The following TBC1D12 variants were observed in gnomAD, a reference collection of about 807,000 sequenced individuals.
TBC1D12 encodes TBC1 domain family, member 12.
A neutral mutation model predicts 86.7 loss-of-function variants in TBC1D12; 56 were observed. The observed-to-expected ratio is 0.65, with a 90% CI of 0.52 to 0.81. TBC1D12 has a LOEUF of 0.81. Ranked by LOEUF, TBC1D12 falls within the 30% of genes least tolerant of loss-of-function variation. The pLI is 0.00. For synonymous variants in TBC1D12, 421 were observed against 411.7 expected (o/e 1.02, Z -0.27); for missense variants, 1,023 against 1,038.8 (o/e 0.98, Z 0.21).
At chr10:94,409,205 G>A (rs2054896868) in intron 1 of TBC1D12, among the ~76,000 whole-genome samples, 3 of 151,974 alleles carry the variant, frequency 2.0e-5, no homozygotes, top group Admixed American at 2.0e-4. Flanking sequence ...ATCCAGCATT[G>A]GTTCAGGACT....
intron 1 of TBC1D12, among the ~76,000 whole-genome samples, chr10:94,405,289 A>C (rs1044995733): frequency 6.6e-6 from 1 of 152,194 alleles, no homozygotes; most frequent in African/African-American, 2.4e-5. Flanking sequence ...ATTAGCGTAC[A>C]TATTGTAGAC....
chr10:94,535,636 T>C lies in TBC1D12; in HGVS notation c.*2540T>C, dbSNP rs907630818. 1.3e-5 allele frequency: 2 copies of C among 152,178 alleles called. No individual in the cohort carries two copies. Among genetic ancestry groups the C allele is most frequent in the African/African-American group, 2.4e-5 (1 of 41,454 alleles). 9.4% of individuals were successfully genotyped at this position (152,178 alleles called of 1,614,324 possible). A position where few individuals can be genotyped will look rare whatever the true frequency, so the allele number is the denominator to read the frequency against. Reference sequence around the variant, plus strand: ...GCCATGGTCTTAGCAGGTTTTAGAATGACCTTTTAACTCCAGTAACTACTT... The same window carrying C: ...GCCATGGTCTTAGCAGGTTTTAGAACGACCTTTTAACTCCAGTAACTACTT... On this transcript the variant is annotated 3_prime_UTR_variant, in exon 13 of 13. Transcript: ENST00000225235.
At chr10:94,448,747 G>A (rs910458236) in intron 2 of TBC1D12, among the ~76,000 whole-genome samples, 1 of 152,154 alleles carries the variant, frequency 6.6e-6, no homozygotes, top group African/African-American at 2.4e-5. Flanking sequence ...CCAAAGTGTT[G>A]GGATTACAGG....
intron 2 of TBC1D12, among the ~76,000 whole-genome samples, chr10:94,457,477 T>C (rs6583941): frequency 0.69 from 104,736 of 152,074 alleles, 36,732 homozygotes; most frequent in East Asian, 0.83. Context: ...TGCAGTGGTG[T>C]AATCATAGCT....
intron 2 of TBC1D12, among the ~76,000 whole-genome samples, chr10:94,454,936 G>T (rs2055604955): frequency 6.6e-6 from 1 of 152,124 alleles, no homozygotes; most frequent in South Asian, 2.1e-4. Flanking sequence ...GTGGTGAGCG[G>T]GGATATCCTC....
At chr10:94,465,920 A>G (rs543573909) in intron 2 of TBC1D12, among the ~76,000 whole-genome samples, 1 of 150,954 alleles carries the variant, frequency 6.6e-6, no homozygotes, top group Admixed American at 6.6e-5. Flanking sequence ...ATATATACGT[A>G]TATATGCGTA....
intron 12 of TBC1D12, 110 bp from the exon 13 acceptor site, chr10:94,532,918 A>C (rs1162301074): frequency 3.4e-6 from 2 of 579,804 alleles, no homozygotes; most frequent in African/African-American, 4.0e-5. Flanking sequence ...TTTCGGGGAC[A>C]GTGTTAAGTA....
intron 1 of TBC1D12, 23 bp from the exon 2 acceptor site, chr10:94,441,873 C>A: frequency 6.2e-7 from 1 of 1,602,306 alleles, no homozygotes; most frequent in South Asian, 1.1e-5. Flanking sequence ...AAACACAATT[C>A]ATGTAACTTT....
chr10:94,476,510 G>A (rs867558474), intron 3 of TBC1D12, among the ~76,000 whole-genome samples: 17 of 152,196 alleles, frequency 1.1e-4, no homozygotes, highest in African/African-American at 4.1e-4. Flanking sequence ...TCCTTTCTTG[G>A]TGGAGACATT....
At chr10:94,429,025 A>AGGGG (rs1269267860) in intron 1 of TBC1D12, among the ~76,000 whole-genome samples, 1 of 152,048 alleles carries the variant, frequency 6.6e-6, no homozygotes, top group East Asian at 1.9e-4. Context: ...CTCTTAATAA[A>AGGGG]GAACTCTGAC....
intron 11 of TBC1D12, among the ~76,000 whole-genome samples, chr10:94,527,095 T>G (rs2134232570): frequency 6.6e-6 from 1 of 152,004 alleles, no homozygotes; most frequent in African/African-American, 2.4e-5. Context: ...TGTGTGTGTG[T>G]GTGTGTGTGT....
intron 2 of TBC1D12, among the ~76,000 whole-genome samples, chr10:94,453,915 A>C (rs888798441): frequency 6.6e-6 from 1 of 152,062 alleles, no homozygotes; most frequent in African/African-American, 2.4e-5. Context: ...GTCAAAGATC[A>C]GTTGACTATA....
At chr10:94,415,453 G>A (rs907043180) in intron 1 of TBC1D12, among the ~76,000 whole-genome samples, 3 of 152,182 alleles carry the variant, frequency 2.0e-5, no homozygotes, top group African/African-American at 7.2e-5. Context: ...AATAAAACTA[G>A]CCAGGCCCGG....
intron 4 of TBC1D12, among the ~76,000 whole-genome samples, chr10:94,493,910 T>C (rs2056280680): frequency 6.6e-6 from 1 of 152,116 alleles, no homozygotes; most frequent in South Asian, 2.1e-4. Context: ...GGACTTCTAC[T>C]ATCTTAGTTT....
intron 1 of TBC1D12, among the ~76,000 whole-genome samples, chr10:94,408,342 G>A (rs1224718323): frequency 1.3e-5 from 2 of 152,030 alleles, no homozygotes; most frequent in Admixed American, 1.3e-4. Flanking sequence ...TGTAGTTGTT[G>A]ACTTCTGAAA....
chr10:94,462,374 A>G (rs117244573), intron 2 of TBC1D12, among the ~76,000 whole-genome samples: 1,816 of 152,278 alleles, frequency 0.012, 14 homozygotes, highest in Non-Finnish European at 0.02. Context: ...TGTGAAATAC[A>G]GGATATTTAG....
chr10:94,495,388 C>G (rs2056301999), intron 4 of TBC1D12, among the ~76,000 whole-genome samples: 2 of 152,274 alleles, frequency 1.3e-5, no homozygotes, highest in Admixed American at 6.5e-5. Flanking sequence ...AGGCTGGTCT[C>G]AAACTCCTGG....
In TBC1D12 at chr10:94,403,519, G is replaced by A; in HGVS notation, c.906G>A (p.Glu302=). The A allele has an allele frequency of 6.4e-7, 1 of 1,558,122 alleles. No individual in the cohort carries two copies. Among genetic ancestry groups the A allele is most frequent in the Non-Finnish European group, 8.6e-7 (1 of 1,157,066 alleles). ...AGPPVPLPAA[E]QGPAGASARA... is the part of the protein sequence containing the mutation. ...CGCCGGTGCCCTTGCCCGCCGCGGA[G>A]CAGGGTCCTGCGGGGGCTTCGGCCC... Residue 302 remains glutamate (E), a synonymous_variant, in exon 1 of 13, where the codon GAG becomes GAA. Transcript: ENST00000225235.
chr10:94,422,516 C>T (rs963111009), intron 1 of TBC1D12, among the ~76,000 whole-genome samples: 4 of 152,010 alleles, frequency 2.6e-5, no homozygotes, highest in African/African-American at 9.7e-5. Flanking sequence ...GGAACAGAAG[C>T]CTACTTAAGC....
Sources: allele counts gnomAD v4.1 joint callset (sites outside exome capture counted in the v4.1 genomes callset), GRCh38; gene constraint gnomAD v4.1.1; transcripts MANE v1.5; gene names NCBI Gene and HGNC (gene_info 2026-07-23, HGNC 2026-07-21).